Variants in ADAM12 observed in about 807,000 individuals in gnomAD.
ADAM12 encodes ADAM metallopeptidase domain 12, also known as disintegrin and metalloproteinase domain-containing protein 12.
ADAM12 carries 70 observed loss-of-function variants against 106.4 expected under a neutral mutation model. The observed-to-expected ratio is 0.66, with a 90% confidence interval of 0.54 to 0.80. The LOEUF is 0.80. ADAM12 is among the 30% of genes least tolerant of loss of function. The probability of loss-of-function intolerance (pLI) is 0.00; values close to 1 mark genes in which losing one functional copy is unlikely to be tolerated. For missense variants in ADAM12, 1,010 were observed against 1,171.9 expected (o/e 0.86, Z 2.02); for synonymous variants, 420 against 433.5 (o/e 0.97, Z 0.39).
At chr10:126,188,824 TCATC>T (rs1957445916) in intron 3 of ADAM12, among the ~76,000 whole-genome samples, 1 of 152,106 alleles carries the variant, frequency 6.6e-6, no homozygotes. Flanking sequence ...AAGCCATTTA[TCATC>T]CATCCATCAA....
At chr10:126,250,660 C>T (rs1351107307) in intron 3 of ADAM12, among the ~76,000 whole-genome samples, 1 of 152,022 alleles carries the variant, frequency 6.6e-6, no homozygotes, top group East Asian at 1.9e-4. Context: ...CATTGTTAAC[C>T]GAAATTTTTG....
At position 126,073,614 on chromosome 10, in the gene ADAM12, G is replaced by A. The variant is rs571432544; in HGVS notation, c.1146-1960C>T. Among the ~76,000 whole-genome samples the A allele has an allele frequency of 8.5e-5, 13 of 152,264 alleles. 1 individual carries two copies. The South Asian group carries it at 2.7e-3, about 32-fold the overall frequency. ...AATGTTAGCTCCCACTTATAAATGA[G>A]AACATGCAGTATTTGGTTTTCTGTT... On this transcript the variant is annotated intron_variant, in intron 11 of 22. Transcript: ENST00000448723.
intron 21 of ADAM12, among the ~76,000 whole-genome samples, chr10:126,020,986 CTG>C (rs1953754947): frequency 1.1e-5 from 1 of 94,692 alleles, no homozygotes; most frequent in African/African-American, 4.6e-5. Context: ...GAGTGAGACT[CTG>C]TCTCAAAAAA....
Position 126,287,808 on chromosome 10 carries a change from C to A in ADAM12, c.187-8820G>T, listed in dbSNP as rs74853679. On this transcript the variant is annotated intron_variant, in intron 2 of 22. Transcript: ENST00000448723. ...CACACCCTGTTCTGTCTCTTCCTAG[C>A]AAAGTTCCTCATTTGTGATGATTTG... is the stretch of plus-strand genomic sequence containing the variant. 9.1e-4 allele frequency among the ~76,000 whole-genome samples: 138 copies of A among 152,178 alleles called. 2 individuals carry two copies. In the East Asian group the frequency reaches 0.026, roughly 28 times the overall value.
intron 21 of ADAM12, among the ~76,000 whole-genome samples, chr10:126,034,430 G>T (rs1954022707): frequency 6.6e-6 from 1 of 151,976 alleles, no homozygotes; most frequent in African/African-American, 2.4e-5. Context: ...AAAATACAAA[G>T]ATATATACTC....
Position 126,040,842 on chromosome 10 carries a change from C to T in ADAM12, c.2105-1413G>A, listed in dbSNP as rs114470071. ...GGGCCCCCACACTGAACCTGCTGAA[C>T]TCCCCAGGGTTGCTCAAGCCAGAGG... On this transcript the variant is annotated intron_variant, in intron 18 of 22. Coordinates refer to ENST00000448723, the MANE Select transcript of ADAM12 (RefSeq NM_001288973.2). 5.8e-3 allele frequency among the ~76,000 whole-genome samples: 886 copies of T among 152,292 alleles called. 6 individuals are homozygous for T. The highest frequency in any genetic ancestry group is 0.02 in the African/African-American group (827 of 41,566).
intron 2 of ADAM12, among the ~76,000 whole-genome samples, chr10:126,329,282 T>C (rs770429483): frequency 2.0e-5 from 3 of 152,202 alleles, no homozygotes; most frequent in Admixed American, 6.5e-5. Flanking sequence ...GTCTACATAA[T>C]GGCTCCCAAC....
At chr10:126,312,086 T>C (rs1156305869) in intron 2 of ADAM12, among the ~76,000 whole-genome samples, 3 of 139,500 alleles carry the variant, frequency 2.2e-5, no homozygotes, top group Non-Finnish European at 4.5e-5. Flanking sequence ...AACTGAACTG[T>C]AGGACACCCA....
At chr10:126,375,742 CTTTTT>C (rs34064275) in intron 1 of ADAM12, among the ~76,000 whole-genome samples, 8 of 140,414 alleles carry the variant, frequency 5.7e-5, no homozygotes, top group Non-Finnish European at 1.2e-4. Context: ...TCTTCTTCTT[CTTTTT>C]TTTTTTTCTT....
intron 22 of ADAM12, among the ~76,000 whole-genome samples, chr10:126,019,358 A>G (rs1361939779): frequency 1.3e-5 from 2 of 151,990 alleles, no homozygotes; most frequent in Non-Finnish European, 2.9e-5. Flanking sequence ...ACAGGTGTCC[A>G]GTCTTCATAC....
At chr10:126,038,469 A>G in intron 19 of ADAM12, 120 bp from the exon 20 acceptor site, 1 of 705,844 alleles carries the variant, frequency 1.4e-6, no homozygotes, top group Non-Finnish European at 2.3e-6. Context: ...TGTGCTAAAC[A>G]TGCAAAGGAA....
chr10:126,257,661 A>G (rs564079216), intron 3 of ADAM12, among the ~76,000 whole-genome samples: 11 of 152,354 alleles, frequency 7.2e-5, no homozygotes, highest in Admixed American at 5.9e-4. Context: ...AAAATACTAC[A>G]ATCGCTTCAT....
chr10:126,238,618 T>C (rs893780642), intron 3 of ADAM12, among the ~76,000 whole-genome samples: 5 of 152,182 alleles, frequency 3.3e-5, no homozygotes, highest in Non-Finnish European at 7.4e-5. Flanking sequence ...CAAAATAAAA[T>C]TTATTTTTAA....
chr10:126,226,528 C>T (rs1489372909), intron 3 of ADAM12, among the ~76,000 whole-genome samples: 2 of 152,322 alleles, frequency 1.3e-5, no homozygotes, highest in East Asian at 1.9e-4. Context: ...TCGACTCTGA[C>T]GGGCCTGAGC....
chr10:126,209,857 T>C (rs553713901), intron 3 of ADAM12, among the ~76,000 whole-genome samples: 1 of 152,148 alleles, frequency 6.6e-6, no homozygotes, highest in African/African-American at 2.4e-5. Flanking sequence ...CTCAATAGAT[T>C]TAGAGGTCTG....
chr10:126,237,027 G>A (rs933503143), intron 3 of ADAM12, among the ~76,000 whole-genome samples: 2 of 152,070 alleles, frequency 1.3e-5, no homozygotes, highest in Non-Finnish European at 2.9e-5. Context: ...CAGTGATAAT[G>A]CTCTCCTCCC....
intron 1 of ADAM12, among the ~76,000 whole-genome samples, chr10:126,335,959 GTCAACA>G (rs57019762): frequency 0.054 from 8,195 of 152,174 alleles, 357 homozygotes; most frequent in East Asian, 0.15. Context: ...CGTCAAAACT[GTCAACA>G]TCATAAAAAA....
At chr10:126,129,862 T>G (rs894970721) in intron 5 of ADAM12, among the ~76,000 whole-genome samples, 4 of 152,230 alleles carry the variant, frequency 2.6e-5, no homozygotes, top group African/African-American at 9.6e-5. Flanking sequence ...CTGAGATCTT[T>G]GTGCTGTTTT....
At chr10:126,189,851 A>G (rs1189754982) in intron 3 of ADAM12, among the ~76,000 whole-genome samples, 1 of 152,064 alleles carries the variant, frequency 6.6e-6, no homozygotes, top group Non-Finnish European at 1.5e-5. Context: ...AACCTTCCTG[A>G]AGACGGCATT....
Sources: allele counts gnomAD v4.1 joint callset (sites outside exome capture counted in the v4.1 genomes callset), GRCh38; gene constraint gnomAD v4.1.1; transcripts MANE v1.5; gene names NCBI Gene and HGNC (gene_info 2026-07-23, HGNC 2026-07-21).